Variants in RGS12 observed in about 807,000 individuals in gnomAD.
RGS12 encodes the protein regulator of G-protein signaling 12.
RGS12 carries 66 observed loss-of-function variants against 120.1 expected under a neutral mutation model. That is an observed-to-expected ratio of 0.55 (90% CI 0.45 to 0.67). The LOEUF (loss-of-function observed/expected upper bound fraction) is 0.67, where lower values mean the gene tolerates loss of function less well. Among genes scored for constraint, RGS12 ranks in the 30% least tolerant of loss-of-function variants. The pLI is 0.00. For synonymous variants in RGS12, 827 were observed against 804.7 expected, an observed-to-expected ratio of 1.03 and a Z score of -0.47; for missense variants, 1,859 against 1,957.7, an observed-to-expected ratio of 0.95 and a Z score of 0.95.
At chr4:3,402,306 G>A (rs1030297655) in intron 4 of RGS12, among the ~76,000 whole-genome samples, 1 of 152,184 alleles carries the variant, frequency 6.6e-6, no homozygotes, top group Non-Finnish European at 1.5e-5. Context: ...CCCCTGATGT[G>A]TAGAGTAGGC....
At position 3,365,554 on chromosome 4, in the gene RGS12, A is replaced by G. The variant is rs13150241; in HGVS notation, c.1999-20862A>G. On this transcript the variant is annotated intron_variant, in intron 3 of 17. Coordinates refer to ENST00000336727, the MANE Select transcript of RGS12 (RefSeq NM_001394154.1). This position sits in a 1 kb window ranked among gnomAD's most constrained non-coding sequence, Gnocchi z 4.0. The stretch of plus-strand genomic sequence containing the variant: ...GAGCCCTGAGTCCGACCTAAGCCTT[A>G]GTGTGAGTCGGACACGGCCTTCTTG... Among the ~76,000 whole-genome samples, 107,273 of 151,976 alleles carry G rather than the reference A, an allele frequency of 0.71. 39,598 individuals are homozygous for G. The highest frequency in any genetic ancestry group is 0.93 in the African/African-American group (38,516 of 41,484).
intron 10 of RGS12, among the ~76,000 whole-genome samples, chr4:3,420,966 A>G (rs371732006): frequency 1.2e-4 from 18 of 152,396 alleles, no homozygotes; most frequent in African/African-American, 4.3e-4. Context: ...ACTATTAGTT[A>G]TACGAGGGAG....
chr4:3,373,321 G>T (rs1391505351), intron 3 of RGS12, among the ~76,000 whole-genome samples: 1 of 152,226 alleles, frequency 6.6e-6, no homozygotes, highest in Non-Finnish European at 1.5e-5. Flanking sequence ...GCCCCTGCGG[G>T]ACCAGGTTGT....
intron 1 of RGS12, 138 bp downstream of exon 1, chr4:3,293,237 G>A (rs1723145414): frequency 6.9e-6 from 1 of 145,830 alleles, no homozygotes; most frequent in South Asian, 2.1e-4. Flanking sequence ...GTCCCCTCGG[G>A]GTCGCCGCCC....
chr4:3,288,635 T>C (rs1301200968), upstream of RGS12, among the ~76,000 whole-genome samples: 1 of 152,180 alleles, frequency 6.6e-6, no homozygotes, highest in Non-Finnish European at 1.5e-5. The surrounding 1 kb of genome is among the most constrained non-coding windows in gnomAD (Gnocchi z 5.2). Flanking sequence ...AGGTTCCTCC[T>C]TTCCGGGACG....
rs138334945 is a variant in RGS12 at position 3,373,157 on chromosome 4, G to C, written c.1999-13259G>C. Among the ~76,000 whole-genome samples, 424 of 152,310 alleles carry C rather than the reference G, an allele frequency of 2.8e-3. 3 individuals carry two copies. Among genetic ancestry groups the C allele is most frequent in the African/African-American group, 9.4e-3 (391 of 41,578 alleles). On this transcript the variant is annotated intron_variant, in intron 3 of 17. Transcript: ENST00000336727. ...AATGAGGAAGACGGAGTGTGGTCACGAGGGGGCGGTGGCTGCTGGCGACAC... is the reference window on the plus strand; with the variant it reads ...AATGAGGAAGACGGAGTGTGGTCACCAGGGGGCGGTGGCTGCTGGCGACAC...
intron 3 of RGS12, among the ~76,000 whole-genome samples, chr4:3,368,629 T>C (rs1380468410): frequency 1.9e-4 from 19 of 99,526 alleles, no homozygotes; most frequent in African/African-American, 6.5e-4. Context: ...GGGGGGTACA[T>C]GTGTGTGTGT....
At chr4:3,412,984 CG>C (rs1465803383) in intron 4 of RGS12, 1 of 148,706 alleles carries the variant, frequency 6.7e-6, no homozygotes, top group African/African-American at 2.5e-5. Context: ...TCAGGAGGGA[CG>C]GGGGCGCCCC....
At chr4:3,420,848 G>A in intron 10 of RGS12, 130 bp downstream of exon 10, 1 of 855,150 alleles carries the variant, frequency 1.2e-6, no homozygotes, top group Non-Finnish European at 1.8e-6. Flanking sequence ...GGGGGACAAG[G>A]CTCGGGTGCC....
At chr4:3,431,040 G>A in intron 17 of RGS12, 85 bp downstream of exon 17, 1 of 1,520,666 alleles carries the variant, frequency 6.6e-7, no homozygotes, top group Non-Finnish European at 8.8e-7. Context: ...TGGGCCCCCG[G>A]CTGCCACTGT....
rs1724208600 is a variant in RGS12 at position 3,430,831 on chromosome 4, G to A, written c.3990G>A (p.Gln1330=). The part of the protein sequence containing the change: ...QSQEVEAGGI[Q]TVEDEHVAEL... ...AGGAAGTGGAGGCCGGGGGCATCCAGACGGTGGAGGATGAGCACGTGGCCG... is the reference window on the plus strand; with the variant it reads ...AGGAAGTGGAGGCCGGGGGCATCCAAACGGTGGAGGATGAGCACGTGGCCG... The change falls in exon 17 of 18, where the codon CAG becomes CAA. Residue 1330 remains glutamine, a synonymous_variant. Transcript: ENST00000336727. 4 of 1,611,980 alleles carry A rather than the reference G, an allele frequency of 2.5e-6. No homozygotes were observed. Among genetic ancestry groups the A allele is most frequent in the Non-Finnish European group, 2.5e-6 (3 of 1,179,604 alleles).
intron 4 of RGS12, 62 bp from the exon 5 acceptor site, chr4:3,414,010 G>T: frequency 6.8e-7 from 1 of 1,463,874 alleles, no homozygotes; most frequent in South Asian, 1.3e-5. Flanking sequence ...TGGGCGGGCA[G>T]AGCAGTCACT....
intron 6 of RGS12, among the ~76,000 whole-genome samples, chr4:3,415,673 C>T (rs1722307440): frequency 6.6e-6 from 1 of 152,236 alleles, no homozygotes; most frequent in South Asian, 2.1e-4. Context: ...TGCTCTCCTG[C>T]ACTCCCACCT....
chr4:3,293,036 C>A lies in RGS12; in HGVS notation c.-165C>A, dbSNP rs867158850. On this transcript the variant is annotated 5_prime_UTR_variant, in exon 1 of 18. Transcript: ENST00000336727. ...GGGGGGCGGTGGCTGCCGAGGCGAC[C>A]GTTGCGCGCGCGGGCGGTGGCGCGG... The A allele has an allele frequency of 6.8e-6, 1 of 148,032 alleles. No individual in the cohort carries two copies. The highest frequency in any genetic ancestry group is 2.0e-4 in the East Asian group (1 of 4,954). 9.2% of individuals were successfully genotyped at this position (148,032 alleles called of 1,614,324 possible).
At chr4:3,290,507 GTCC>G (rs1213392048), upstream of RGS12, among the ~76,000 whole-genome samples, 1 of 152,210 alleles carries the variant, frequency 6.6e-6, no homozygotes, top group Non-Finnish European at 1.5e-5. Context: ...TTAGCATAGT[GTCC>G]TCAAGGGTCA....
rs764490973 is a variant in RGS12, at chr4:3,316,817, A to C, written c.647A>C (p.His216Pro). The C allele has an allele frequency of 1.4e-5, 22 of 1,614,072 alleles. No homozygotes were observed. Among genetic ancestry groups the C allele is most frequent in the Middle Eastern group, 1.6e-4 (1 of 6,084 alleles). Residue 216 changes from histidine (H) to proline (P), a missense_variant, in exon 2 of 18, where the codon CAT becomes CCT. Physicochemically the swap from His to Pro is moderately conservative, Grantham distance 77. Coordinates refer to ENST00000336727, the MANE Select transcript of RGS12 (RefSeq NM_001394154.1). ...DSVFSIGLESHDDFALDASIL... is the reference protein window; with the variant it reads ...DSVFSIGLESPDDFALDASIL... ...GTTTTCAGCATTGGACTAGAAAGTCATGACGATTTTGCATTGGATGCAAGT... is the reference window on the plus strand; with the variant it reads ...GTTTTCAGCATTGGACTAGAAAGTCCTGACGATTTTGCATTGGATGCAAGT...
At chr4:3,309,903 TGCAGGGGAGGA>T (rs1560646270) in intron 1 of RGS12, among the ~76,000 whole-genome samples, 6 of 117,900 alleles carry the variant, frequency 5.1e-5, no homozygotes, top group African/African-American at 2.1e-4. Context: ...AGGGGAACCG[TGCAGGGGAGGA>T]GCTGGGACCC....
At chr4:3,346,905 C>T (rs1314252494) in intron 3 of RGS12, among the ~76,000 whole-genome samples, 2 of 152,142 alleles carry the variant, frequency 1.3e-5, no homozygotes, top group African/African-American at 2.4e-5. Context: ...GTATTCTATG[C>T]ACGTTCTCAA....
Position 3,422,568 on chromosome 4 carries a change from A to G in RGS12, c.3031A>G (p.Lys1011Glu), listed in dbSNP as rs199861543. Reference protein sequence around the residue: ...AADLFLVGGDKPLVLHQDSSI... With the variant: ...AADLFLVGGDEPLVLHQDSSI... ...GGACCTCTTCCTGGTGGGCGGGGAC[A>G]AGGTACTGGGCCCGCCTGACCCTCG... The change falls in exon 11 of 18, where the codon AAG becomes GAG. Residue 1011 changes from lysine (K) to glutamate (E), a missense_variant and splice_region_variant. Lys to Glu is a moderately conservative substitution (Grantham distance 56). Coordinates refer to ENST00000336727, the MANE Select transcript of RGS12 (RefSeq NM_001394154.1). 44 of 1,611,264 alleles carry G rather than the reference A, an allele frequency of 2.7e-5. 1 individual carries two copies. The Admixed American group carries it at 4.2e-4, about 15-fold the overall frequency.
Sources: gnomAD v4.1 joint callset for allele counts (sites outside exome capture counted in the v4.1 genomes callset) on GRCh38, gnomAD v4.1.1 for gene constraint, Gnocchi (gnomAD v3.1) non-coding constraint, MANE v1.5 for transcripts, NCBI Gene and HGNC (gene_info 2026-07-23, HGNC 2026-07-21) for gene names.